The following SEPTIN9 variants were observed in gnomAD, a reference collection of about 807,000 sequenced individuals.
The protein encoded by SEPTIN9 is septin-9.
In SEPTIN9, 13 loss-of-function variants were observed where a neutral mutation model predicts 56.6. The ratio of observed to expected loss-of-function variants is 0.23; its 90% CI spans 0.15 to 0.37. The LOEUF (loss-of-function observed/expected upper bound fraction) is 0.37. Among genes scored for constraint, SEPTIN9 ranks in the 10% least tolerant of loss-of-function variants. The probability of loss-of-function intolerance (pLI) is 1.00; values close to 1 mark genes in which losing one functional copy is unlikely to be tolerated. For missense variants in SEPTIN9, 650 were observed against 823.1 expected (o/e 0.79, Z 2.57); for synonymous variants, 332 against 334.1 (o/e 0.99, Z 0.07).
intron 2 of SEPTIN9, among the ~76,000 whole-genome samples, chr17:77,401,833 G>A (rs945298769): frequency 9.2e-5 from 14 of 152,122 alleles, no homozygotes; most frequent in Non-Finnish European, 1.6e-4. Context: ...AAGACACGAC[G>A]GGCAGCATCT....
In SEPTIN9 at chr17:77,433,396, C is replaced by G. The variant is rs935003507; in HGVS notation, c.721+30693C>G. The stretch of plus-strand genomic sequence containing the variant: ...GTCAGGGTGGGGCTGGGTGCGAGGA[C>G]CCCCCCCGGCCAACAGGGTCTGCTT... On this transcript the variant is annotated intron_variant, in intron 3 of 11. Coordinates refer to ENST00000427177, the MANE Select transcript of SEPTIN9 (RefSeq NM_001113491.2). The surrounding 1 kb of genome is among the most constrained non-coding windows in gnomAD (Gnocchi z 6.4). Among the ~76,000 whole-genome samples, 3 of 129,260 alleles carry G rather than the reference C, an allele frequency of 2.3e-5. No homozygotes were observed. Among genetic ancestry groups the G allele is most frequent in the Admixed American group, 7.2e-5 (1 of 13,964 alleles). 84.8% of individuals were successfully genotyped at this position (129,260 alleles called of 152,430 possible).
chr17:77,309,206 C>T (rs1049746840), intron 2 of SEPTIN9, among the ~76,000 whole-genome samples: 20 of 152,384 alleles, frequency 1.3e-4, no homozygotes, highest in Middle Eastern at 3.4e-3. Context: ...CCTCCCCCGG[C>T]GGTTGCTTCC....
At chr17:77,387,307 G>T (rs1368599024) in intron 2 of SEPTIN9, among the ~76,000 whole-genome samples, 1 of 152,184 alleles carries the variant, frequency 6.6e-6, no homozygotes, top group African/African-American at 2.4e-5. Flanking sequence ...GTCTTCACAT[G>T]GCCTTTTCTC....
intron 3 of SEPTIN9, among the ~76,000 whole-genome samples, chr17:77,467,584 G>A (rs746452048): frequency 2.6e-5 from 4 of 152,198 alleles, no homozygotes; most frequent in Non-Finnish European, 2.9e-5. Flanking sequence ...TCCTGAACCG[G>A]CCTCCCACCC....
chr17:77,494,996 CCT>C (rs780813478), intron 10 of SEPTIN9, among the ~76,000 whole-genome samples: 4 of 152,364 alleles, frequency 2.6e-5, no homozygotes, highest in Admixed American at 2.6e-4. Context: ...TTCCTCTCTT[CCT>C]CTCTGCCCAA....
chr17:77,335,258 A>T (rs1295704159), intron 2 of SEPTIN9, among the ~76,000 whole-genome samples: 8 of 150,330 alleles, frequency 5.3e-5, no homozygotes, highest in South Asian at 2.1e-4. Flanking sequence ...ATATACATAT[A>T]GGCCCCGTGT....
chr17:77,378,366 C>T (rs993785758), intron 2 of SEPTIN9, among the ~76,000 whole-genome samples: 2 of 152,156 alleles, frequency 1.3e-5, no homozygotes, highest in African/African-American at 4.8e-5. Context: ...AGTTTCTTCG[C>T]CTGTTTCCCT....
rs1019401708 is a variant in SEPTIN9 at position 77,451,583 on chromosome 17, C to T, written c.722-30561C>T. On this transcript the variant is annotated intron_variant, in intron 3 of 11. Transcript: ENST00000427177. This position sits in a 1 kb window ranked among gnomAD's most constrained non-coding sequence, Gnocchi z 4.2. The stretch of plus-strand genomic sequence containing the variant: ...CTTGCACCACTGGCTCGGGGGCTCT[C>T]AGGTGGCGCGGCCGCGAGGCGGACC... 5.1e-6 allele frequency: 5 copies of T among 981,816 alleles called. No homozygotes were observed. The highest frequency in any genetic ancestry group is 6.1e-5 in the Admixed American group (1 of 16,274). The allele number at this position is 981,816 out of a possible 1,614,324, so 60.8% of individuals were successfully genotyped here. A position where few individuals can be genotyped will look rare whatever the true frequency, so the allele number is the denominator to read the frequency against.
At chr17:77,397,124 T>C (rs755032614) in intron 2 of SEPTIN9, 3 of 154,842 alleles carry the variant, frequency 1.9e-5, no homozygotes, top group Non-Finnish European at 4.4e-5. Flanking sequence ...AACAAATTAC[T>C]GGAAACCAAG....
In SEPTIN9 at chr17:77,450,929, G is replaced by A; in HGVS notation, c.722-31215G>A. ...GCTGCAGGTCTGAATGGCTTTCTGG[G>A]GTGGCTGGCCATGCTCCCTGAGAGC... is the stretch of plus-strand genomic sequence containing the variant. On this transcript the variant is annotated intron_variant, in intron 3 of 11. Coordinates refer to ENST00000427177, the MANE Select transcript of SEPTIN9 (RefSeq NM_001113491.2). The surrounding 1 kb of genome is among the most constrained non-coding windows in gnomAD (Gnocchi z 6.0). The A allele has an allele frequency of 2.0e-6, 1 of 491,858 alleles. No individual in the cohort carries two copies. Among genetic ancestry groups the A allele is most frequent in the Non-Finnish European group, 2.6e-6 (1 of 379,088 alleles). 30.5% of individuals were successfully genotyped at this position (491,858 alleles called of 1,614,324 possible).
In SEPTIN9 at chr17:77,451,415, T is replaced by A; in HGVS notation, c.722-30729T>A. 1.0e-6 allele frequency: 1 copy of A among 985,632 alleles called. No homozygotes were observed. The highest frequency in any genetic ancestry group is 1.2e-6 in the Non-Finnish European group (1 of 830,072). The allele number at this position is 985,632 out of a possible 1,614,324, so 61.1% of individuals were successfully genotyped here. A position where few individuals can be genotyped will look rare whatever the true frequency, so the allele number is the denominator to read the frequency against. The stretch of plus-strand genomic sequence containing the variant: ...CTGCCCCGCGCTCTGGGAGGCTCCT[T>A]GTTCCGCGACCACAAAGCCCCTTTG... On this transcript the variant is annotated intron_variant, in intron 3 of 11. Transcript: ENST00000427177. The surrounding 1 kb of genome is among the most constrained non-coding windows in gnomAD (Gnocchi z 4.2).
At position 77,440,466 on chromosome 17, in the gene SEPTIN9, A is replaced by G. The variant is rs564567271; in HGVS notation, c.721+37763A>G. ...CACTGCACCTGGCTTTCGTATATCT[A>G]TAAAAGAGAATTTGCCCAGAAAATC... On this transcript the variant is annotated intron_variant, in intron 3 of 11. Coordinates refer to ENST00000427177, the MANE Select transcript of SEPTIN9 (RefSeq NM_001113491.2). Among the ~76,000 whole-genome samples the G allele has an allele frequency of 1.8e-3, 276 of 152,330 alleles. 8 individuals carry two copies. In the South Asian group the frequency reaches 0.052, roughly 29 times the overall value.
At chr17:77,290,904 G>T (rs2031515674) in intron 1 of SEPTIN9, among the ~76,000 whole-genome samples, 2 of 151,420 alleles carry the variant, frequency 1.3e-5, no homozygotes, top group African/African-American at 4.8e-5. Flanking sequence ...GTCTTGCTGT[G>T]TTGCCCAGGT....
chr17:77,401,280 A>G (rs976779831), intron 2 of SEPTIN9, among the ~76,000 whole-genome samples: 1 of 152,074 alleles, frequency 6.6e-6, no homozygotes, highest in Non-Finnish European at 1.5e-5. Flanking sequence ...GTCCGCCCTT[A>G]GTGTCATTGA....
chr17:77,321,960 A>C (rs573203356), intron 2 of SEPTIN9, among the ~76,000 whole-genome samples: 1 of 152,340 alleles, frequency 6.6e-6, no homozygotes, highest in Non-Finnish European at 1.5e-5. Flanking sequence ...TCAGGCTTGC[A>C]CAGTGGAGCC....
At chr17:77,426,283 T>G (rs913289971) in intron 3 of SEPTIN9, among the ~76,000 whole-genome samples, 3 of 151,968 alleles carry the variant, frequency 2.0e-5, no homozygotes, top group African/African-American at 7.3e-5. Context: ...GCGAGTCCCC[T>G]GCACAGCACA....
intron 2 of SEPTIN9, among the ~76,000 whole-genome samples, chr17:77,391,920 C>G (rs1314032027): frequency 6.6e-6 from 1 of 152,188 alleles, no homozygotes; most frequent in Non-Finnish European, 1.5e-5. Flanking sequence ...CAAGGGCTGG[C>G]TGTTGAGGTC....
intron 1 of SEPTIN9, among the ~76,000 whole-genome samples, chr17:77,285,002 A>C (rs2031211690): frequency 6.6e-6 from 1 of 152,138 alleles, no homozygotes; most frequent in African/African-American, 2.4e-5. Flanking sequence ...AAAGCTGAGA[A>C]ATGCCTGCTC....
At chr17:77,497,126 C>G (rs1329944980) in intron 10 of SEPTIN9, 189 bp from the exon 11 acceptor site, 1 of 669,276 alleles carries the variant, frequency 1.5e-6, no homozygotes, top group East Asian at 2.7e-5. Context: ...CCAGTATCCC[C>G]CAGACTGAGG....
Sources: gnomAD v4.1 joint callset for allele counts (sites outside exome capture counted in the v4.1 genomes callset) on GRCh38, gnomAD v4.1.1 for gene constraint, Gnocchi (gnomAD v3.1) non-coding constraint, MANE v1.5 for transcripts, NCBI Gene and HGNC (gene_info 2026-07-23, HGNC 2026-07-21) for gene names.